Variants in PCTP observed in about 807,000 individuals in gnomAD.
The protein encoded by PCTP is phosphatidylcholine transfer protein.
A neutral mutation model predicts 31.0 loss-of-function variants in PCTP; 27 were observed. That is an observed-to-expected ratio of 0.87 (90% CI 0.64 to 1.20). PCTP has a LOEUF of 1.20. Among genes scored for constraint, PCTP ranks in the 50% most tolerant of loss-of-function variants. PCTP has a pLI of 0.00. For synonymous variants in PCTP, 108 were observed against 101.2 expected (o/e 1.07, Z -0.40); for missense variants, 287 against 268.2 (o/e 1.07, Z -0.49).
chr17:55,762,779 A>T (rs1292370678), intron 1 of PCTP, among the ~76,000 whole-genome samples: 1 of 152,102 alleles, frequency 6.6e-6, no homozygotes, highest in Admixed American at 6.5e-5. Context: ...AAACAGGGAT[A>T]AGTCACACGG....
At chr17:55,765,438 C>T (rs1910585582) in intron 1 of PCTP, among the ~76,000 whole-genome samples, 3 of 152,098 alleles carry the variant, frequency 2.0e-5, no homozygotes, top group African/African-American at 7.2e-5. Context: ...TGAAAGTTAT[C>T]CTTGATTCTT....
At chr17:55,774,704 T>G in intron 4 of PCTP, 88 bp from the exon 5 acceptor site, 2 of 1,070,616 alleles carry the variant, frequency 1.9e-6, no homozygotes, top group Non-Finnish European at 2.9e-6. Context: ...TGAGCTTGAA[T>G]ATGAAGATAT....
intron 3 of PCTP, among the ~76,000 whole-genome samples, chr17:55,794,326 T>A (rs908582354): frequency 6.6e-6 from 1 of 152,022 alleles, no homozygotes; most frequent in African/African-American, 2.4e-5. Flanking sequence ...TAAGTCAGTA[T>A]AACTTGGACA....
downstream of PCTP, among the ~76,000 whole-genome samples, chr17:55,778,468 C>T (rs1162324454): frequency 1.3e-5 from 2 of 152,068 alleles, no homozygotes; most frequent in Non-Finnish European, 2.9e-5. Context: ...AGTAGGCACT[C>T]GAATGGTGAC....
intron 5 of PCTP, among the ~76,000 whole-genome samples, chr17:55,833,550 G>A (rs574724610): frequency 6.6e-6 from 1 of 152,258 alleles, no homozygotes; most frequent in African/African-American, 2.4e-5. Context: ...AAAATTAGTG[G>A]TTTTCAAAGT....
chr17:55,845,928 A>ATG (rs879859465), downstream of PCTP, among the ~76,000 whole-genome samples: 1 of 98,016 alleles, frequency 1.0e-5, no homozygotes, highest in African/African-American at 4.2e-5. Flanking sequence ...GTGTGTGTGT[A>ATG]TGTGTGTGTG....
chr17:55,806,984 G>A (rs572647527), intron 3 of PCTP, among the ~76,000 whole-genome samples: 2 of 152,258 alleles, frequency 1.3e-5, no homozygotes, highest in Admixed American at 1.3e-4. Flanking sequence ...TTGATGCAAT[G>A]TTCCCTGTAT....
At chr17:55,792,493 A>T (rs1301028369) in intron 3 of PCTP, among the ~76,000 whole-genome samples, 1 of 152,064 alleles carries the variant, frequency 6.6e-6, no homozygotes, top group Non-Finnish European at 1.5e-5. Context: ...AAAATAAAAT[A>T]TCTCACATAA....
chr17:55,832,224 A>G (rs184397025), intron 5 of PCTP, among the ~76,000 whole-genome samples: 142 of 152,360 alleles, frequency 9.3e-4, no homozygotes, highest in African/African-American at 3.3e-3. Flanking sequence ...TCAGGTGAGG[A>G]TATGAGATCC....
chr17:55,796,652 T>C (rs1173486021), intron 3 of PCTP, among the ~76,000 whole-genome samples: 1 of 151,934 alleles, frequency 6.6e-6, no homozygotes, highest in African/African-American at 2.4e-5. Flanking sequence ...TGGGAGATGA[T>C]AGGTGTAGGT....
chr17:55,768,774 C>T (rs1468959411), intron 2 of PCTP: 3 of 152,124 alleles, frequency 2.0e-5, no homozygotes, highest in Non-Finnish European at 4.4e-5. Flanking sequence ...TAGATTTTTC[C>T]CTGTAAGTTA....
At chr17:55,767,584 C>A (rs990975286) in intron 2 of PCTP, 132 bp downstream of exon 2, 8 of 518,160 alleles carry the variant, frequency 1.5e-5, no homozygotes, top group African/African-American at 1.4e-4. Flanking sequence ...CCTGCCTCAG[C>A]CTCCTGAGTA....
chr17:55,754,574 C>CA (rs1449344843), intron 1 of PCTP, among the ~76,000 whole-genome samples: 3 of 152,126 alleles, frequency 2.0e-5, no homozygotes, highest in Admixed American at 2.0e-4. Flanking sequence ...GAAGCATGGA[C>CA]AACAGTGTTG....
At chr17:55,784,274 A>G (rs1911670399) in intron 2 of PCTP, among the ~76,000 whole-genome samples, 1 of 152,182 alleles carries the variant, frequency 6.6e-6, no homozygotes, top group African/African-American at 2.4e-5. Flanking sequence ...AGCAGGAAGT[A>G]GACGGCCTCC....
chr17:55,751,089 C>G lies in PCTP; in HGVS notation c.-15C>G. 6.6e-7 allele frequency: 1 copy of G among 1,526,204 alleles called. No individual in the cohort carries two copies. Among genetic ancestry groups the G allele is most frequent in the Non-Finnish European group, 8.8e-7 (1 of 1,137,218 alleles). 94.5% of individuals were successfully genotyped at this position (1,526,204 alleles called of 1,614,324 possible). A position where few individuals can be genotyped will look rare whatever the true frequency, so the allele number is the denominator to read the frequency against. ...CGGCCTGCCCTCCAGGCGGAGGAGC[C>G]CGGACTGCGGAAGGATGGAGCTGGC... On this transcript the variant is annotated 5_prime_UTR_variant, in exon 1 of 6. Coordinates refer to ENST00000268896, the MANE Select transcript of PCTP (RefSeq NM_021213.4).
chr17:55,827,930 C>G (rs993113187), downstream of PCTP, among the ~76,000 whole-genome samples: 3 of 152,122 alleles, frequency 2.0e-5, no homozygotes, highest in African/African-American at 7.2e-5. Flanking sequence ...ACTGTTACTC[C>G]CAGCAAAGCA....
chr17:55,783,548 C>T (rs1911639035), intron 2 of PCTP, among the ~76,000 whole-genome samples: 1 of 152,180 alleles, frequency 6.6e-6, no homozygotes, highest in South Asian at 2.1e-4. Flanking sequence ...GAACTCCATG[C>T]AGGGCATACA....
chr17:55,782,922 C>A (rs1911611190), intron 2 of PCTP, among the ~76,000 whole-genome samples: 1 of 152,148 alleles, frequency 6.6e-6, no homozygotes, highest in Non-Finnish European at 1.5e-5. Context: ...GGGTACAGAA[C>A]TTTGTCTCAT....
Position 55,765,838 on chromosome 17 carries a change from C to G in PCTP, c.142-1497C>G, listed in dbSNP as rs541495868. ...AACTCTCTAACCTCAGCTCCTGCCA[C>G]TCTCTCTTTTATCCAGAGTTCTCCA... On this transcript the variant is annotated intron_variant, in intron 1 of 5. Transcript: ENST00000268896. Among the ~76,000 whole-genome samples, 14 of 152,288 alleles carry G rather than the reference C, an allele frequency of 9.2e-5. No individual in the cohort carries two copies. The South Asian group carries it at 1.9e-3, about 20-fold the overall frequency.
Sources: allele counts gnomAD v4.1 joint callset (sites outside exome capture counted in the v4.1 genomes callset), GRCh38; gene constraint gnomAD v4.1.1; transcripts MANE v1.5; gene names NCBI Gene and HGNC (gene_info 2026-07-23, HGNC 2026-07-21).